The following PTPN3 variants were observed in gnomAD, a reference collection of about 807,000 sequenced individuals.
The protein encoded by PTPN3 is tyrosine-protein phosphatase non-receptor type 3.
PTPN3 carries 96 observed loss-of-function variants against 132.7 expected under a neutral mutation model. That is an observed-to-expected ratio of 0.72 (90% CI 0.61 to 0.86). The LOEUF (loss-of-function observed/expected upper bound fraction) is 0.86, where lower values mean the gene tolerates loss of function less well. Ranked by LOEUF, PTPN3 falls within the 40% of genes least tolerant of loss-of-function variation. PTPN3 has a pLI of 0.00. For synonymous variants in PTPN3, 398 were observed against 429.0 expected, an observed-to-expected ratio of 0.93 and a Z score of 0.89; for missense variants, 1,125 against 1,159.6, an observed-to-expected ratio of 0.97 and a Z score of 0.43.
chr9:109,505,543 T>C, the PTPN3 span, among the ~76,000 whole-genome samples: 4 of 152,344 alleles, frequency 2.6e-5, no homozygotes, highest in African/African-American at 9.6e-5. Flanking sequence ...CCTCCCAAAG[T>C]GTTGGGATTA....
chr9:109,484,460 C>G (rs1014163427), intron 1 of PTPN3, among the ~76,000 whole-genome samples: 2 of 152,194 alleles, frequency 1.3e-5, no homozygotes, highest in Non-Finnish European at 2.9e-5. Context: ...CCTGGCCGAG[C>G]CACCTCTGTG....
At chr9:109,537,331 A>G in the PTPN3 span, among the ~76,000 whole-genome samples, 1 of 152,226 alleles carries the variant, frequency 6.6e-6, no homozygotes, top group Non-Finnish European at 1.5e-5. Context: ...TCTTACGCTT[A>G]AAAAGAAAAG....
chr9:109,383,070 A>G (rs1297121628), intron 23 of PTPN3, among the ~76,000 whole-genome samples: 2 of 152,162 alleles, frequency 1.3e-5, no homozygotes, highest in Non-Finnish European at 2.9e-5. Flanking sequence ...GTGTCTTTCT[A>G]TGTCTGGCTT....
At chr9:109,458,732 G>A (rs528028054) in intron 2 of PTPN3, among the ~76,000 whole-genome samples, 1 of 152,130 alleles carries the variant, frequency 6.6e-6, no homozygotes, top group Admixed American at 6.5e-5. Context: ...CATCAGAAAA[G>A]AATCACAATA....
intron 21 of PTPN3, among the ~76,000 whole-genome samples, 158 bp downstream of exon 21, chr9:109,390,980 T>C (rs535560519): frequency 1.3e-5 from 2 of 152,318 alleles, no homozygotes; most frequent in East Asian, 3.9e-4. Flanking sequence ...CTCTGTAAAA[T>C]GAGACTATTC....
intron 1 of PTPN3, among the ~76,000 whole-genome samples, chr9:109,480,549 T>A (rs1309678513): frequency 6.6e-6 from 1 of 152,224 alleles, no homozygotes; most frequent in East Asian, 1.9e-4. Context: ...GAAGTCCCAA[T>A]TTATTTTTCT....
At chr9:109,408,788 A>AT (rs1300361920) in intron 16 of PTPN3, among the ~76,000 whole-genome samples, 3 of 52,836 alleles carry the variant, frequency 5.7e-5, no homozygotes, top group Admixed American at 1.9e-4. Context: ...AATTAAAAAA[A>AT]AAAAAAAAAT....
chr9:109,396,628 A>T (rs143664315), intron 19 of PTPN3, among the ~76,000 whole-genome samples: 1 of 152,208 alleles, frequency 6.6e-6, no homozygotes, highest in Non-Finnish European at 1.5e-5. Flanking sequence ...GAGTATAGTT[A>T]TAAGAAGCTC....
chr9:109,406,630 G>A lies in PTPN3; in HGVS notation c.1636-12C>T, dbSNP rs1360991004. 1 of 1,613,372 alleles carries A rather than the reference G, an allele frequency of 6.2e-7. No individual in the cohort carries two copies. The highest frequency in any genetic ancestry group is 8.5e-7 in the Non-Finnish European group (1 of 1,179,402). The stretch of plus-strand genomic sequence containing the variant: ...ATGCAGGTGTCCGCCTGGGTGGTGG[G>A]GAAAAGCGAGTTTCTCCTGTTACCA... On this transcript the variant is annotated splice_polypyrimidine_tract_variant and intron_variant, in intron 17 of 25. Transcript: ENST00000374541.
intron 1 of PTPN3, among the ~76,000 whole-genome samples, chr9:109,466,365 C>T (rs1012793456): frequency 7.2e-5 from 11 of 152,122 alleles, no homozygotes; most frequent in Non-Finnish European, 8.8e-5. Flanking sequence ...TAGCTAGCTA[C>T]GGTAGTGTGC....
the PTPN3 span, among the ~76,000 whole-genome samples, chr9:109,531,109 T>C: frequency 6.6e-6 from 1 of 152,244 alleles, no homozygotes; most frequent in Non-Finnish European, 1.5e-5. Flanking sequence ...TTGTTGCCTG[T>C]GCCTTTTATG....
intron 1 of PTPN3, among the ~76,000 whole-genome samples, chr9:109,474,727 T>G (rs1327498465): frequency 1.3e-5 from 2 of 152,088 alleles, no homozygotes; most frequent in Admixed American, 1.3e-4. Context: ...CGGATAAGAT[T>G]AGGTACTTCA....
chr9:109,422,069 C>T (rs113937918), intron 13 of PTPN3, among the ~76,000 whole-genome samples: 23 of 152,252 alleles, frequency 1.5e-4, no homozygotes, highest in African/African-American at 4.8e-4. Flanking sequence ...ATTTCATTTG[C>T]GGTAGTTTTT....
the PTPN3 span, among the ~76,000 whole-genome samples, chr9:109,512,876 T>A: frequency 3.9e-5 from 6 of 152,210 alleles, no homozygotes; most frequent in Middle Eastern, 3.2e-3. Flanking sequence ...CCTTGTTCTT[T>A]CCTTCCCCTG....
intron 19 of PTPN3, among the ~76,000 whole-genome samples, chr9:109,402,375 T>G (rs1379129569): frequency 6.6e-6 from 1 of 152,032 alleles, no homozygotes; most frequent in Non-Finnish European, 1.5e-5. Context: ...GCCTCCTGGG[T>G]TCAAGTGATT....
chr9:109,389,199 T>C (rs1243926950), intron 22 of PTPN3, 34 bp downstream of exon 22: 1 of 1,611,106 alleles, frequency 6.2e-7, no homozygotes, highest in Non-Finnish European at 8.5e-7. Flanking sequence ...GGTGTGACAC[T>C]GCACACATCT....
Position 109,410,316 on chromosome 9 carries a change from G to C in PTPN3, c.1413C>G (p.Asp471Glu). The C allele has an allele frequency of 6.2e-7, 1 of 1,614,170 alleles. No homozygotes were observed. The change falls in exon 15 of 26, where the codon GAC becomes GAG. Residue 471 changes from aspartate to glutamate, a missense_variant. By Grantham distance (45) the Asp-to-Glu change is conservative. Coordinates refer to ENST00000374541, the MANE Select transcript of PTPN3 (RefSeq NM_002829.4). ...SSNAPGSCSP[D>E]GVDQQLLDDF... is the part of the protein sequence containing the mutation. Reference sequence around the variant, plus strand: ...CATCTAAGAGCTGCTGATCAACGCCGTCAGGTGAGCAGGAGCCTGGAGCAT... The same window carrying C: ...CATCTAAGAGCTGCTGATCAACGCCCTCAGGTGAGCAGGAGCCTGGAGCAT...
intron 14 of PTPN3, among the ~76,000 whole-genome samples, chr9:109,412,162 T>C (rs1842120570): frequency 1.3e-5 from 2 of 152,176 alleles, no homozygotes; most frequent in Admixed American, 1.3e-4. Context: ...TCTCTGTCTC[T>C]GTCTCTACCT....
rs775572352 is a variant in PTPN3 at position 109,463,396 on chromosome 9, A to G, written c.39T>C (p.Asn13=). The G allele has an allele frequency of 3.7e-6, 6 of 1,612,658 alleles. No individual in the cohort carries two copies. The African/African-American group carries it at 8.0e-5, about 22-fold the overall frequency. The part of the protein sequence containing the change: ...SRLRALGGRI[N]NIRTSELPKE... ...TGGGTAACTCCGAGGTGCGTATATT[A>G]TTAATTCTTCCACCCAACGCACGTA... The change falls in exon 2 of 26, where the codon AAT becomes AAC. Residue 13 remains asparagine (N), a synonymous_variant. Coordinates refer to ENST00000374541, the MANE Select transcript of PTPN3 (RefSeq NM_002829.4).
Sources: gnomAD v4.1 joint callset for allele counts (sites outside exome capture counted in the v4.1 genomes callset) on GRCh38, gnomAD v4.1.1 for gene constraint, MANE v1.5 for transcripts, NCBI Gene and HGNC (gene_info 2026-07-23, HGNC 2026-07-21) for gene names.